SLC8A3: variants seen among roughly 807,000 people sequenced by gnomAD.
The protein encoded by SLC8A3 is sodium/calcium exchanger 3.
Under a neutral mutation model 65.4 loss-of-function variants are expected in SLC8A3, and 37 were observed. The observed-to-expected ratio is 0.57, with a 90% confidence interval of 0.44 to 0.74. The LOEUF is 0.74. SLC8A3 is among the 30% of genes least tolerant of loss of function. The pLI, the probability that SLC8A3 is intolerant of heterozygous loss-of-function variation, is 0.00. For synonymous variants in SLC8A3, 461 were observed against 444.5 expected, an observed-to-expected ratio of 1.04 and a Z score of -0.47; for missense variants, 1,112 against 1,172.1, an observed-to-expected ratio of 0.95 and a Z score of 0.75.
chr14:70,131,411 G>A (rs1233571749), intron 2 of SLC8A3, among the ~76,000 whole-genome samples: 2 of 152,214 alleles, frequency 1.3e-5, no homozygotes, highest in Non-Finnish European at 2.9e-5. Flanking sequence ...CTGTGGGCCT[G>A]GGGTAGATAA....
chr14:70,083,131 G>C (rs538309737), intron 2 of SLC8A3, among the ~76,000 whole-genome samples: 19 of 152,188 alleles, frequency 1.2e-4, no homozygotes, highest in Non-Finnish European at 2.5e-4. Context: ...CCACTTTGGA[G>C]ACTGACCTAG....
At chr14:70,081,245 C>T (rs1250613360) in intron 2 of SLC8A3, among the ~76,000 whole-genome samples, 1 of 152,178 alleles carries the variant, frequency 6.6e-6, no homozygotes, top group Non-Finnish European at 1.5e-5. Flanking sequence ...ATATTAGAAA[C>T]ATCTGGTATA....
rs142477266 is a variant in SLC8A3 at position 70,046,261 on chromosome 14, C to T, written c.2452G>A (p.Val818Met). Reference sequence around the variant, plus strand: ...ACATTGACGGCGTTGCTGCCCGTCACGTTGCCAATGGAGGCGTCTGCATAT... The same window carrying T: ...ACATTGACGGCGTTGCTGCCCGTCATGTTGCCAATGGAGGCGTCTGCATAT... ...DVYADASIGN[V>M]TGSNAVNVFL... The change falls in exon 7 of 7, where the codon GTG becomes ATG. Residue 818 changes from valine (V) to methionine (M), a missense_variant. Coordinates refer to ENST00000356921, the MANE Select transcript of SLC8A3 (RefSeq NM_182932.3). The surrounding 1 kb of genome is among the most constrained non-coding windows in gnomAD (Gnocchi z 4.2). The T allele has an allele frequency of 1.2e-5, 20 of 1,614,154 alleles. No homozygotes were observed. The highest frequency in any genetic ancestry group is 1.7e-4 in the Middle Eastern group (1 of 6,060).
chr14:70,166,707 T>G lies in SLC8A3; in HGVS notation c.1716A>C (p.Thr572=). 1 of 1,613,958 alleles carries G rather than the reference T, an allele frequency of 6.2e-7. No individual in the cohort carries two copies. Among genetic ancestry groups the G allele is most frequent in the Non-Finnish European group, 8.5e-7 (1 of 1,179,890 alleles). ...CAAAGTCCTCACCGCCACCCTTGGCTGTCCCTTCTACTGTCCTAAAGGGGA... is the reference window on the plus strand; with the variant it reads ...CAAAGTCCTCACCGCCACCCTTGGCGGTCCCTTCTACTGTCCTAAAGGGGA... ...VIVPFRTVEG[T]AKGGGEDFED... Residue 572 remains threonine, a synonymous_variant, in exon 2 of 7, where the codon ACA becomes ACC. Coordinates refer to ENST00000356921, the MANE Select transcript of SLC8A3 (RefSeq NM_182932.3).
chr14:70,156,945 T>C (rs1896608913), intron 2 of SLC8A3, among the ~76,000 whole-genome samples: 1 of 152,196 alleles, frequency 6.6e-6, no homozygotes, highest in South Asian at 2.1e-4. Context: ...CTGACGCTAG[T>C]GTCCTGGAGA....
chr14:70,056,560 T>A (rs898801163), intron 3 of SLC8A3, among the ~76,000 whole-genome samples: 13 of 152,222 alleles, frequency 8.5e-5, no homozygotes, highest in African/African-American at 3.1e-4. Flanking sequence ...CCATTTTGTA[T>A]CACCTCTGCT....
At chr14:70,118,402 C>A (rs55706449) in intron 2 of SLC8A3, among the ~76,000 whole-genome samples, 26 of 152,194 alleles carry the variant, frequency 1.7e-4, no homozygotes, top group African/African-American at 3.9e-4. Flanking sequence ...ACCAGAGGAA[C>A]CTACCCAAAT....
chr14:70,093,332 C>T (rs142723098), intron 2 of SLC8A3, among the ~76,000 whole-genome samples: 86 of 152,236 alleles, frequency 5.6e-4, no homozygotes, highest in African/African-American at 9.9e-4. Context: ...TTTGTGTTTG[C>T]GTGGTGCACA....
chr14:70,055,405 C>T (rs1594896604), intron 3 of SLC8A3, among the ~76,000 whole-genome samples: 1 of 151,350 alleles, frequency 6.6e-6, no homozygotes, highest in Non-Finnish European at 1.5e-5. Flanking sequence ...TTTTTCAAAT[C>T]CTGTCACAAT....
At chr14:70,050,766 C>T (rs1887400792) in intron 5 of SLC8A3, among the ~76,000 whole-genome samples, 2 of 152,136 alleles carry the variant, frequency 1.3e-5, no homozygotes, top group African/African-American at 4.8e-5. Flanking sequence ...GGAAAGAGGA[C>T]ATTGAGGTCA....
rs188353730 is a variant in SLC8A3, at chr14:70,058,240, A to C, written c.1888+2596T>G. 1.9e-3 allele frequency among the ~76,000 whole-genome samples: 286 copies of C among 152,286 alleles called. 2 individuals are homozygous for C. Among genetic ancestry groups the C allele is most frequent in the African/African-American group, 6.7e-3 (277 of 41,544 alleles). ...TCTCCCATGCAGTAGTGATAATGAA[A>C]AGCAATTTCCACTGTTCTGTTTCTC... On this transcript the variant is annotated intron_variant, in intron 3 of 6. Transcript: ENST00000356921.
At chr14:70,133,474 G>A (rs373314991) in intron 2 of SLC8A3, among the ~76,000 whole-genome samples, 127 of 152,254 alleles carry the variant, frequency 8.3e-4, no homozygotes, top group Middle Eastern at 3.4e-3. Flanking sequence ...CTCTTGGGGG[G>A]TAATATCCTA....
intron 2 of SLC8A3, among the ~76,000 whole-genome samples, chr14:70,111,537 G>A (rs577972136): frequency 6.6e-6 from 1 of 152,276 alleles, no homozygotes; most frequent in East Asian, 1.9e-4. Context: ...CAGTACAGAA[G>A]GAAAGATATG....
intron 2 of SLC8A3, among the ~76,000 whole-genome samples, chr14:70,107,219 T>TG (rs1892934061): frequency 6.6e-6 from 1 of 152,064 alleles, no homozygotes; most frequent in Non-Finnish European, 1.5e-5. Flanking sequence ...GGACATCATT[T>TG]GGGGAGGAAA....
At chr14:70,159,670 G>A (rs909183120) in intron 2 of SLC8A3, among the ~76,000 whole-genome samples, 3 of 152,194 alleles carry the variant, frequency 2.0e-5, no homozygotes, top group Non-Finnish European at 4.4e-5. Context: ...GAGTGGATGA[G>A]GAAACTGGCC....
intron 2 of SLC8A3, among the ~76,000 whole-genome samples, chr14:70,126,570 T>TCTCTCTCTCTCTCTCTCA (rs1385909771): frequency 1.7e-5 from 2 of 117,114 alleles, no homozygotes; most frequent in Middle Eastern, 4.3e-3. Context: ...TCTCTCTCTC[T>TCTCTCTCTCTCTCTCTCA]CACACACACA....
chr14:70,167,494 T>C lies in SLC8A3; in HGVS notation c.929A>G (p.Asp310Gly), dbSNP rs748495372. ...CCGGATCATCTCTCTGCGGGACTCA[T>C]CCACTTCCTTCCCTTCCAGGGGCAC... is the stretch of plus-strand genomic sequence containing the variant. The part of the protein sequence containing the change: ...NLVPLEGKEV[D>G]ESRREMIRIL... Residue 310 changes from aspartate (D) to glycine (G), a missense_variant, in exon 2 of 7, where the codon GAT (aspartate) becomes GGT (glycine). By Grantham distance (94) the Asp-to-Gly change is moderately conservative (BLOSUM62 -1). Transcript: ENST00000356921. The C allele has an allele frequency of 6.2e-7, 1 of 1,614,070 alleles. No individual in the cohort carries two copies. Among genetic ancestry groups the C allele is most frequent in the South Asian group, 1.1e-5 (1 of 91,078 alleles).
intron 2 of SLC8A3, among the ~76,000 whole-genome samples, chr14:70,142,701 C>T (rs544048553): frequency 5.6e-4 from 86 of 152,276 alleles, no homozygotes; most frequent in Admixed American, 1.5e-3. Flanking sequence ...CTCCAGGAGA[C>T]CTAACTAAAA....
intron 2 of SLC8A3, among the ~76,000 whole-genome samples, chr14:70,104,609 T>C (rs1377648747): frequency 6.6e-6 from 1 of 152,186 alleles, no homozygotes; most frequent in Non-Finnish European, 1.5e-5. Flanking sequence ...TGTATATACT[T>C]GGATTGTAGC....
Sources: gnomAD v4.1 joint callset for allele counts (sites outside exome capture counted in the v4.1 genomes callset) on GRCh38, gnomAD v4.1.1 for gene constraint, Gnocchi (gnomAD v3.1) non-coding constraint, MANE v1.5 for transcripts, NCBI Gene and HGNC (gene_info 2026-07-23, HGNC 2026-07-21) for gene names.